RERG: variants seen among roughly 807,000 people sequenced by gnomAD.
The protein encoded by RERG is RAS like estrogen regulated growth inhibitor.
In RERG, 25 loss-of-function variants were observed where a neutral mutation model predicts 23.2. That is an observed-to-expected ratio of 1.08 (90% confidence interval 0.79 to 1.50). RERG has a LOEUF of 1.50. Ranked by LOEUF, RERG falls within the 40% of genes most tolerant of loss-of-function variation. RERG has a pLI of 0.00. For synonymous variants in RERG, 81 were observed against 89.1 expected (o/e 0.91, Z 0.51); for missense variants, 253 against 250.1 (o/e 1.01, Z -0.08).
intron 2 of RERG, among the ~76,000 whole-genome samples, chr12:15,169,940 GT>G (rs1262826404): frequency 3.3e-5 from 5 of 149,450 alleles, no homozygotes; most frequent in Non-Finnish European, 6.0e-5. Context: ...GTGTGTGTGT[GT>G]GTGTGTGTGT....
At chr12:15,185,022 T>G (rs1591662096) in intron 2 of RERG, among the ~76,000 whole-genome samples, 1 of 152,110 alleles carries the variant, frequency 6.6e-6, no homozygotes, top group East Asian at 1.9e-4. Flanking sequence ...TCAATATGAT[T>G]CCCCCAGTAT....
chr12:15,123,488 AATAT>A (rs896916753), intron 2 of RERG, among the ~76,000 whole-genome samples: 3 of 147,240 alleles, frequency 2.0e-5, no homozygotes, highest in South Asian at 2.1e-4. Flanking sequence ...TTATTATATA[AATAT>A]ATATATATTC....
chr12:15,170,932 C>T (rs1864769080), intron 2 of RERG, among the ~76,000 whole-genome samples: 2 of 152,204 alleles, frequency 1.3e-5, no homozygotes, highest in South Asian at 2.1e-4. Flanking sequence ...TAAAACTCTG[C>T]AGACAATTCA....
intron 2 of RERG, among the ~76,000 whole-genome samples, chr12:15,181,638 A>C (rs1272861054): frequency 6.6e-6 from 1 of 152,206 alleles, no homozygotes; most frequent in African/African-American, 2.4e-5. Context: ...ACTATATGTA[A>C]ATTGTTTAGA....
At chr12:15,126,068 G>A (rs949837417) in intron 2 of RERG, among the ~76,000 whole-genome samples, 1 of 142,202 alleles carries the variant, frequency 7.0e-6, no homozygotes, top group Non-Finnish European at 1.5e-5. Flanking sequence ...TCTTACTAAT[G>A]TATTCCTCTA....
At chr12:15,161,762 C>A (rs113043117) in intron 2 of RERG, among the ~76,000 whole-genome samples, 10 of 152,170 alleles carry the variant, frequency 6.6e-5, no homozygotes, top group African/African-American at 2.4e-4. Flanking sequence ...TCAATACTAC[C>A]AATAACAATA....
intron 2 of RERG, among the ~76,000 whole-genome samples, chr12:15,172,528 T>C (rs907402027): frequency 6.6e-6 from 1 of 152,118 alleles, no homozygotes; most frequent in Non-Finnish European, 1.5e-5. Flanking sequence ...TAACTCCATG[T>C]TTTACATTTT....
intron 2 of RERG, among the ~76,000 whole-genome samples, chr12:15,175,369 G>GTGTGTGTGTA (rs1156611079): frequency 1.0e-4 from 15 of 150,322 alleles, no homozygotes; most frequent in Non-Finnish European, 1.5e-4. Context: ...GTGTGTGTGT[G>GTGTGTGTGTA]TGTGTGTGTG....
rs1261894951 is a variant in RERG, at chr12:15,108,139, A to G, written c.*971T>C. 6.6e-6 allele frequency: 1 copy of G among 152,418 alleles called. No homozygotes were observed. Among genetic ancestry groups the G allele is most frequent in the East Asian group, 1.9e-4 (1 of 5,202 alleles). 9.4% of individuals were successfully genotyped at this position (152,418 alleles called of 1,614,324 possible). On this transcript the variant is annotated 3_prime_UTR_variant, in exon 5 of 5. Coordinates refer to ENST00000256953, the MANE Select transcript of RERG (RefSeq NM_032918.3). ...TTCTCCTAAGTGAGTTAATGTATCC[A>G]AAATATCAAAATAAGTCATGTGGCA...
chr12:15,181,956 C>T (rs1864928848), intron 2 of RERG, among the ~76,000 whole-genome samples: 1 of 152,144 alleles, frequency 6.6e-6, no homozygotes, highest in South Asian at 2.1e-4. Flanking sequence ...TTTGAAAATT[C>T]AGTCATTTTC....
chr12:15,120,749 C>T (rs1197273947), intron 3 of RERG, among the ~76,000 whole-genome samples: 2 of 152,102 alleles, frequency 1.3e-5, no homozygotes, highest in African/African-American at 2.4e-5. Flanking sequence ...TTTCCATGTC[C>T]GTTTTATCCT....
At chr12:15,121,277 A>C (rs1863827444) in intron 2 of RERG, among the ~76,000 whole-genome samples, 158 bp from the exon 3 acceptor site, 2 of 152,130 alleles carry the variant, frequency 1.3e-5, no homozygotes, top group East Asian at 1.9e-4. Context: ...TATTCAAGTA[A>C]TTTTCCAATT....
chr12:15,188,893 C>T (rs1030794888), intron 2 of RERG, among the ~76,000 whole-genome samples: 1 of 152,172 alleles, frequency 6.6e-6, no homozygotes, highest in Non-Finnish European at 1.5e-5. Context: ...CGCCCACGCA[C>T]TCTCAGAGTA....
intron 2 of RERG, among the ~76,000 whole-genome samples, chr12:15,157,512 G>A (rs1864539867): frequency 6.6e-6 from 1 of 152,196 alleles, no homozygotes; most frequent in Non-Finnish European, 1.5e-5. Context: ...GCTAAAGCTT[G>A]TCAGCTGCTT....
chr12:15,166,619 G>A (rs1252119157), intron 2 of RERG, among the ~76,000 whole-genome samples: 3 of 151,942 alleles, frequency 2.0e-5, no homozygotes, highest in Non-Finnish European at 4.4e-5. Flanking sequence ...CTTCCCTAAT[G>A]CAAACATTAT....
At chr12:15,156,344 C>G (rs1864522370) in intron 2 of RERG, among the ~76,000 whole-genome samples, 1 of 152,126 alleles carries the variant, frequency 6.6e-6, no homozygotes, top group Non-Finnish European at 1.5e-5. Flanking sequence ...TTCACAGACC[C>G]CCTGAAATCT....
chr12:15,127,733 G>C (rs1167344440), intron 2 of RERG, among the ~76,000 whole-genome samples: 2 of 152,194 alleles, frequency 1.3e-5, no homozygotes, highest in African/African-American at 4.8e-5. Flanking sequence ...AATTATATTA[G>C]TTGTTGGATT....
At chr12:15,129,662 C>T (rs1161513542) in intron 2 of RERG, among the ~76,000 whole-genome samples, 1 of 151,850 alleles carries the variant, frequency 6.6e-6, no homozygotes, top group East Asian at 1.9e-4. Context: ...AGAGAAGGGG[C>T]CAAGACACAA....
chr12:15,204,589 G>A (rs1307767421), intron 2 of RERG, among the ~76,000 whole-genome samples: 1 of 151,440 alleles, frequency 6.6e-6, no homozygotes, highest in Non-Finnish European at 1.5e-5. Flanking sequence ...ATAAATAAGA[G>A]GAAAAGCTTT....
Sources: allele counts gnomAD v4.1 joint callset (sites outside exome capture counted in the v4.1 genomes callset), GRCh38; gene constraint gnomAD v4.1.1; transcripts MANE v1.5; gene names NCBI Gene and HGNC (gene_info 2026-07-23, HGNC 2026-07-21).